Variants in CHSY3 observed in about 807,000 individuals in gnomAD.
CHSY3 encodes the protein chondroitin sulfate synthase 3, also known as N-acetylgalactosaminyl-proteoglycan 3-beta-glucuronosyltransferase 3.
A neutral mutation model predicts 67.2 loss-of-function variants in CHSY3; 35 were observed. That is an observed-to-expected ratio of 0.52 (90% CI 0.40 to 0.69). The LOEUF (loss-of-function observed/expected upper bound fraction) is 0.69, where lower values mean the gene tolerates loss of function less well. CHSY3 is among the 30% of genes least tolerant of loss of function. The probability of loss-of-function intolerance (pLI) is 0.00; values close to 1 mark genes in which losing one functional copy is unlikely to be tolerated. For missense variants in CHSY3, 1,069 were observed against 1,138.5 expected (o/e 0.94, Z 0.88); for synonymous variants, 474 against 434.7 (o/e 1.09, Z -1.12).
intron 2 of CHSY3, among the ~76,000 whole-genome samples, chr5:130,057,378 C>T (rs1387775185): frequency 1.3e-5 from 2 of 151,774 alleles, no homozygotes; most frequent in Admixed American, 1.3e-4. Flanking sequence ...AAAAAACTTC[C>T]CTAGTTATAA....
chr5:130,016,399 GTATTT>G (rs912162664), intron 2 of CHSY3, among the ~76,000 whole-genome samples: 4 of 152,036 alleles, frequency 2.6e-5, no homozygotes, highest in Admixed American at 1.3e-4. Context: ...ATTAGTAGTA[GTATTT>G]TATTTTATTT....
chr5:130,128,833 A>G (rs534523891), intron 2 of CHSY3, among the ~76,000 whole-genome samples: 4 of 149,484 alleles, frequency 2.7e-5, no homozygotes, highest in African/African-American at 1.0e-4. Context: ...TTGCATGTCA[A>G]TAATACCTTT....
At chr5:129,928,701 C>A (rs552354332) in intron 2 of CHSY3, among the ~76,000 whole-genome samples, 4 of 151,846 alleles carry the variant, frequency 2.6e-5, no homozygotes, top group African/African-American at 4.8e-5. Context: ...TGCTGATGAA[C>A]AATAATCTAA....
chr5:130,128,535 G>C (rs185198000), intron 2 of CHSY3, among the ~76,000 whole-genome samples: 13 of 152,068 alleles, frequency 8.5e-5, no homozygotes, highest in Admixed American at 3.9e-4. Context: ...ATGGGGAGAT[G>C]CTGGTCAAAC....
intron 2 of CHSY3, among the ~76,000 whole-genome samples, chr5:130,057,816 G>A (rs1244508316): frequency 6.6e-6 from 1 of 151,980 alleles, no homozygotes; most frequent in Non-Finnish European, 1.5e-5. Context: ...CATCATTCAT[G>A]CTCAGTTCTC....
chr5:130,047,465 G>T (rs1316632494), intron 2 of CHSY3, among the ~76,000 whole-genome samples: 3 of 152,032 alleles, frequency 2.0e-5, no homozygotes, highest in South Asian at 2.1e-4. Flanking sequence ...TTGTAGGAAA[G>T]AATTGTCTTC....
At chr5:130,098,081 A>G (rs976463724) in intron 2 of CHSY3, among the ~76,000 whole-genome samples, 12 of 152,184 alleles carry the variant, frequency 7.9e-5, no homozygotes, top group Admixed American at 3.9e-4. Context: ...TCCAATGGAA[A>G]AAAAAGCCTA....
chr5:130,047,398 G>A (rs976194765), intron 2 of CHSY3, among the ~76,000 whole-genome samples: 2 of 152,052 alleles, frequency 1.3e-5, no homozygotes, highest in African/African-American at 4.8e-5. Flanking sequence ...AGCAGACAGG[G>A]CACCCAGCCA....
intron 2 of CHSY3, among the ~76,000 whole-genome samples, chr5:130,137,796 G>T (rs10463868): frequency 0.054 from 8,162 of 152,246 alleles, 617 homozygotes; most frequent in African/African-American, 0.15. Context: ...GTGTGAGAAG[G>T]AAGACAGTTG....
chr5:129,910,824 T>C (rs908745345), intron 2 of CHSY3, among the ~76,000 whole-genome samples: 1 of 152,064 alleles, frequency 6.6e-6, no homozygotes, highest in Non-Finnish European at 1.5e-5. Flanking sequence ...CAGGTTGGCA[T>C]TCTCAGTAAA....
chr5:129,966,053 A>G (rs1762460431), intron 2 of CHSY3, among the ~76,000 whole-genome samples: 1 of 151,914 alleles, frequency 6.6e-6, no homozygotes, highest in Non-Finnish European at 1.5e-5. Flanking sequence ...TTCTGACAAC[A>G]TGCTTTATTC....
intron 2 of CHSY3, among the ~76,000 whole-genome samples, chr5:130,143,734 G>GTA (rs372062970): frequency 0.022 from 2,104 of 94,544 alleles, 47 homozygotes; most frequent in African/African-American, 0.036. Flanking sequence ...GTGTGTGTGT[G>GTA]TATATATATA....
At chr5:130,062,623 AT>A (rs888424669) in intron 2 of CHSY3, among the ~76,000 whole-genome samples, 1 of 152,112 alleles carries the variant, frequency 6.6e-6, no homozygotes, top group Non-Finnish European at 1.5e-5. Context: ...CTATGTAATA[AT>A]TTTTTTAAAT....
chr5:129,904,694 G>A lies in CHSY3; in HGVS notation c.-136G>A. ...GGCGTCCGCGGCGCTTCGACCTCCA[G>A]CCGGTGTCGGCGCCTAGGCGGCCGG... On this transcript the variant is annotated 5_prime_UTR_variant, in exon 1 of 3. Transcript: ENST00000305031. 8.3e-7 allele frequency: 1 copy of A among 1,206,394 alleles called. No homozygotes were observed. The highest frequency in any genetic ancestry group is 1.0e-6 in the Non-Finnish European group (1 of 969,398). The allele number at this position is 1,206,394 out of a possible 1,614,324, so 74.7% of individuals were successfully genotyped here.
intron 1 of CHSY3, chr5:129,905,962 T>G: frequency 2.9e-6 from 1 of 341,402 alleles, no homozygotes. Flanking sequence ...CAAAGGCCAT[T>G]CCCACTCTGC....
chr5:129,925,526 A>G (rs1761074157), intron 2 of CHSY3, among the ~76,000 whole-genome samples: 1 of 152,174 alleles, frequency 6.6e-6, no homozygotes, highest in African/African-American at 2.4e-5. Flanking sequence ...TGGCTGAATC[A>G]AGCTAATTAG....
rs913305908 is a variant in CHSY3, at chr5:130,061,128, A to G, written c.1087-123101A>G. Among the ~76,000 whole-genome samples the G allele has an allele frequency of 3.9e-5, 6 of 152,060 alleles. No individual in the cohort carries two copies. In the South Asian group the frequency reaches 6.2e-4, roughly 16 times the overall value. On this transcript the variant is annotated intron_variant, in intron 2 of 2. Transcript: ENST00000305031. ...AAGCAATCCTAAGCAAAAAGAACAA[A>G]CCTGGAGATCCCACACTGCCTGACT...
At chr5:129,995,229 C>A (rs1398870764) in intron 2 of CHSY3, among the ~76,000 whole-genome samples, 1 of 151,922 alleles carries the variant, frequency 6.6e-6, no homozygotes, top group Admixed American at 6.6e-5. Flanking sequence ...ATGTGTATAT[C>A]CTTTTTGTAA....
intron 2 of CHSY3, among the ~76,000 whole-genome samples, chr5:130,091,242 T>G (rs1052996132): frequency 1.3e-5 from 2 of 152,154 alleles, no homozygotes; most frequent in African/African-American, 4.8e-5. Context: ...AGTATGTAAT[T>G]ATCCCAAGTG....
Sources: allele counts gnomAD v4.1 joint callset (sites outside exome capture counted in the v4.1 genomes callset), GRCh38; gene constraint gnomAD v4.1.1; transcripts MANE v1.5; gene names NCBI Gene and HGNC (gene_info 2026-07-23, HGNC 2026-07-21).